LTBP1: variants seen among roughly 807,000 people sequenced by gnomAD.
LTBP1 encodes the protein latent transforming growth factor beta binding protein 1, also known as latent-transforming growth factor beta-binding protein 1.
A neutral mutation model predicts 207.6 loss-of-function variants in LTBP1; 129 were observed. That is an observed-to-expected ratio of 0.62 (90% confidence interval 0.54 to 0.72). The LOEUF (loss-of-function observed/expected upper bound fraction) is 0.72. Ranked by LOEUF, LTBP1 falls within the 30% of genes least tolerant of loss-of-function variation. The probability of loss-of-function intolerance (pLI) is 0.00; values close to 1 mark genes in which losing one functional copy is unlikely to be tolerated. For synonymous variants in LTBP1, 963 were observed against 833.7 expected (o/e 1.16, Z -2.67); for missense variants, 2,281 against 2,217.2 (o/e 1.03, Z -0.58).
intron 7 of LTBP1, among the ~76,000 whole-genome samples, chr2:33,216,413 T>G (rs1488935747): frequency 2.0e-5 from 3 of 152,064 alleles, no homozygotes; most frequent in Non-Finnish European, 4.4e-5. Flanking sequence ...AAAGAGCCCT[T>G]TGGTATGTCT....
chr2:33,360,988 C>A (rs1336255258), intron 27 of LTBP1, among the ~76,000 whole-genome samples: 1 of 152,188 alleles, frequency 6.6e-6, no homozygotes, highest in African/African-American at 2.4e-5. Flanking sequence ...CAGTCAGGTT[C>A]TTTGTGATAT....
At chr2:32,994,434 C>T (rs1311588927) in intron 2 of LTBP1, among the ~76,000 whole-genome samples, 1 of 151,826 alleles carries the variant, frequency 6.6e-6, no homozygotes, top group East Asian at 1.9e-4. Context: ...ATCTGTTAAC[C>T]TCAGAGTCTG....
chr2:33,013,044 T>A (rs755805388), intron 2 of LTBP1, among the ~76,000 whole-genome samples: 22 of 152,208 alleles, frequency 1.4e-4, no homozygotes, highest in Non-Finnish European at 3.1e-4. Flanking sequence ...ACCTTTATGG[T>A]TCTTTTAAAT....
chr2:33,079,560 G>C (rs1168222043), intron 3 of LTBP1, among the ~76,000 whole-genome samples: 1 of 152,180 alleles, frequency 6.6e-6, no homozygotes, highest in Non-Finnish European at 1.5e-5. Context: ...TTTACCATAT[G>C]ATAAGATCTG....
chr2:33,004,584 C>A (rs1686505368), intron 2 of LTBP1, among the ~76,000 whole-genome samples: 1 of 151,140 alleles, frequency 6.6e-6, no homozygotes, highest in Non-Finnish European at 1.5e-5. Flanking sequence ...CTCTTGAGGT[C>A]AGGAGATGGT....
intron 2 of LTBP1, among the ~76,000 whole-genome samples, chr2:32,954,963 C>CT (rs1181765360): frequency 2.0e-5 from 3 of 152,150 alleles, no homozygotes; most frequent in Admixed American, 1.3e-4. Flanking sequence ...TACTGGGGCT[C>CT]TTTTAAAGAG....
chr2:32,959,790 T>C (rs1255109009), intron 2 of LTBP1, among the ~76,000 whole-genome samples: 1 of 151,114 alleles, frequency 6.6e-6, no homozygotes, highest in Non-Finnish European at 1.5e-5. Flanking sequence ...CTGGCTAATT[T>C]TTATATTTTT....
chr2:33,030,606 G>A (rs1242173504), intron 3 of LTBP1, among the ~76,000 whole-genome samples: 1 of 152,194 alleles, frequency 6.6e-6, no homozygotes, highest in East Asian at 1.9e-4. Context: ...TTTACATAAA[G>A]TTGAAACACT....
intron 25 of LTBP1, among the ~76,000 whole-genome samples, chr2:33,346,641 C>T (rs556439752): frequency 4.6e-5 from 7 of 150,930 alleles, no homozygotes; most frequent in Admixed American, 2.6e-4. Flanking sequence ...GCTGAGATCA[C>T]GGCACTGCAC....
chr2:33,185,674 G>A (rs2087119740), intron 5 of LTBP1, among the ~76,000 whole-genome samples: 1 of 152,160 alleles, frequency 6.6e-6, no homozygotes, highest in Admixed American at 6.5e-5. Flanking sequence ...GGAAACCAAG[G>A]GAAGACTGAA....
At chr2:33,257,178 C>G (rs1219514374) in intron 11 of LTBP1, 106 bp from the exon 12 acceptor site, 2 of 785,074 alleles carry the variant, frequency 2.5e-6, no homozygotes, top group Admixed American at 2.6e-5. Context: ...TAAAATGTAA[C>G]TACATTAGTG....
At chr2:33,359,896 C>T (rs1026306344) in intron 26 of LTBP1, among the ~76,000 whole-genome samples, 5 of 152,130 alleles carry the variant, frequency 3.3e-5, no homozygotes, top group Non-Finnish European at 7.3e-5. Flanking sequence ...TTCATATCGC[C>T]TTGTTCGTGT....
chr2:33,116,105 A>G (rs7583121), intron 4 of LTBP1, among the ~76,000 whole-genome samples: 59,392 of 152,056 alleles, frequency 0.39, 11,689 homozygotes, highest in South Asian at 0.48. Context: ...AGCAATGGCC[A>G]TGTAACTGAC....
intron 2 of LTBP1, among the ~76,000 whole-genome samples, chr2:32,993,286 A>G (rs1276250896): frequency 1.3e-5 from 2 of 152,166 alleles, no homozygotes; most frequent in African/African-American, 2.4e-5. Context: ...CAAAGAAAGG[A>G]AAGAATTCAA....
intron 31 of LTBP1, 140 bp downstream of exon 31, chr2:33,365,643 G>GTATGTA: frequency 3.9e-6 from 3 of 773,174 alleles, no homozygotes. Flanking sequence ...GTGTGTGTGT[G>GTATGTA]TGTGTGTAGG....
In LTBP1 at chr2:33,022,624, T is replaced by C. The variant is rs553419937; in HGVS notation, c.863+1418T>C. Among the ~76,000 whole-genome samples the C allele has an allele frequency of 2.4e-4, 36 of 152,294 alleles. No homozygotes were observed. The South Asian group carries it at 7.3e-3, about 31-fold the overall frequency. ...AGGTCCCACAGTTACTAAGTGACAGTATTACAATTTAAACAGAGGCAGTCA... is the reference window on the plus strand; with the variant it reads ...AGGTCCCACAGTTACTAAGTGACAGCATTACAATTTAAACAGAGGCAGTCA... On this transcript the variant is annotated intron_variant, in intron 3 of 33. Coordinates refer to ENST00000404816, the MANE Select transcript of LTBP1 (RefSeq NM_206943.4).
chr2:33,015,360 A>G (rs977784094), intron 2 of LTBP1, among the ~76,000 whole-genome samples: 1 of 152,180 alleles, frequency 6.6e-6, no homozygotes, highest in African/African-American at 2.4e-5. Flanking sequence ...CATGTAATGA[A>G]TTAAGAGACC....
intron 3 of LTBP1, among the ~76,000 whole-genome samples, chr2:33,089,155 CAAAA>C (rs61009791): frequency 9.0e-4 from 87 of 96,396 alleles, no homozygotes; most frequent in African/African-American, 3.0e-3. Flanking sequence ...GACTCAGTCT[CAAAA>C]AAAAAAAAAA....
intron 4 of LTBP1, among the ~76,000 whole-genome samples, chr2:33,121,267 A>AC (rs1335919240): frequency 1.7e-5 from 2 of 121,098 alleles, no homozygotes; most frequent in Non-Finnish European, 3.5e-5. Flanking sequence ...TGCTTTTCCA[A>AC]GGTTCTAGCT....
Sources: gnomAD v4.1 joint callset for allele counts (sites outside exome capture counted in the v4.1 genomes callset) on GRCh38, gnomAD v4.1.1 for gene constraint, MANE v1.5 for transcripts, NCBI Gene and HGNC (gene_info 2026-07-23, HGNC 2026-07-21) for gene names.